Variants in MUC6 observed in about 807,000 individuals in gnomAD.
MUC6 encodes mucin 6, oligomeric mucus/gel-forming (gene/pseudogene).
In MUC6, 188 loss-of-function variants were observed where a neutral mutation model predicts 201.5. The ratio of observed to expected loss-of-function variants is 0.93; its 90% CI spans 0.83 to 1.05. The LOEUF (loss-of-function observed/expected upper bound fraction) is 1.05, where lower values mean the gene tolerates loss of function less well. MUC6 is among the 50% of genes least tolerant of loss of function. The pLI is 0.00. For missense variants in MUC6, 2,706 were observed against 3,256.9 expected (o/e 0.83, Z 4.12); for synonymous variants, 1,228 against 1,389.4 (o/e 0.88, Z 2.58).
chr11:1,025,477 T>C (rs1428708550), intron 22 of MUC6, 110 bp from the exon 23 acceptor site: 25 of 1,316,520 alleles, frequency 1.9e-5, no homozygotes, highest in Non-Finnish European at 7.3e-6. Context: ...GTTAAGGCCA[T>C]GCACAGGAGC....
chr11:1,033,482 C>T lies in MUC6; in HGVS notation c.53-407G>A, dbSNP rs567574320. 1.7e-4 allele frequency among the ~76,000 whole-genome samples: 25 copies of T among 149,530 alleles called. No individual in the cohort carries two copies. Among genetic ancestry groups the T allele is most frequent in the South Asian group, 6.2e-4 (3 of 4,814 alleles). ...GCTGTGCCCGCCTCCCCAGCTTGGC[C>T]GCCTGGTTTCCCTGAGGGGTCTGCG... On this transcript the variant is annotated intron_variant, in intron 1 of 32. Coordinates refer to ENST00000421673, the MANE Select transcript of MUC6 (RefSeq NM_005961.3). This position sits in a 1 kb window ranked among gnomAD's most constrained non-coding sequence, Gnocchi z 5.6.
chr11:1,033,065 G>A lies in MUC6; in HGVS notation c.63C>T (p.Asn21=). 1 of 1,612,998 alleles carries A rather than the reference G, an allele frequency of 6.2e-7. No individual in the cohort carries two copies. The highest frequency in any genetic ancestry group is 8.5e-7 in the Non-Finnish European group (1 of 1,179,172). The change falls in exon 2 of 33, where the codon AAC becomes AAT. Residue 21 remains asparagine (N), a synonymous_variant. Transcript: ENST00000421673. This position sits in a 1 kb window ranked among gnomAD's most constrained non-coding sequence, Gnocchi z 5.6. ...GGAGGCCTGGGCTGGTGTAGGAGGTGTTAGCCAGACCTGTGTGGACGGGAC... is the reference window on the plus strand; with the variant it reads ...GGAGGCCTGGGCTGGTGTAGGAGGTATTAGCCAGACCTGTGTGGACGGGAC... ...CGALLSAGLA[N]TSYTSPGLQR...
Position 1,024,943 on chromosome 11 carries a change from G to A in MUC6, c.3126C>T (p.Phe1042=), listed in dbSNP as rs1361115418. 8.7e-6 allele frequency: 14 copies of A among 1,612,918 alleles called. No homozygotes were observed. Among genetic ancestry groups the A allele is most frequent in the East Asian group, 2.2e-5 (1 of 44,892 alleles). ...KESPLCGDVS[F]VTDPCSLNAF... is the part of the protein sequence containing the mutation. ...CATTGAGACTGCAGGGGTCTGTCAC[G>A]AAGCTCACGTCCCCGCACAGCGGGC... is the stretch of plus-strand genomic sequence containing the variant. Residue 1042 remains phenylalanine (F), a synonymous_variant, in exon 24 of 33, where the codon TTC becomes TTT. Coordinates refer to ENST00000421673, the MANE Select transcript of MUC6 (RefSeq NM_005961.3).
At position 1,026,017 on chromosome 11, in the gene MUC6, C is replaced by T. The variant is rs371902802; in HGVS notation, c.2671G>A (p.Glu891Lys). 7.6e-6 allele frequency: 12 copies of T among 1,587,134 alleles called. No homozygotes were observed. Among genetic ancestry groups the T allele is most frequent in the Non-Finnish European group, 1.0e-5 (12 of 1,167,236 alleles). ...GQRFVFDGNC[E>K]YILATDVCGV... The stretch of plus-strand genomic sequence containing the variant: ...ATGGTTACCGTGGCCAGGATGTACT[C>T]GCAGTTGCCGTCGAATACGAAGCGC... Residue 891 changes from glutamate to lysine, a missense_variant, in exon 21 of 33, where the codon GAG becomes AAG. Glu to Lys is a moderately conservative substitution (Grantham distance 56). This residue lies in a region of MUC6 where 1,850 missense variants were observed against 1,958.3 expected (regional missense o/e 0.94). Coordinates refer to ENST00000421673, the MANE Select transcript of MUC6 (RefSeq NM_005961.3).
chr11:1,033,781 A>G lies in MUC6; in HGVS notation c.53-706T>C, dbSNP rs953216362. Among the ~76,000 whole-genome samples the G allele has an allele frequency of 3.4e-5, 5 of 148,098 alleles. No individual in the cohort carries two copies. The highest frequency in any genetic ancestry group is 1.3e-4 in the African/African-American group (5 of 39,982). On this transcript the variant is annotated intron_variant, in intron 1 of 32. Coordinates refer to ENST00000421673, the MANE Select transcript of MUC6 (RefSeq NM_005961.3). This position sits in a 1 kb window ranked among gnomAD's most constrained non-coding sequence, Gnocchi z 5.6. ...GGGAGACTTTTCCCACCTCTGGGTA[A>G]CTCCCCGGACCCTGCCTCCGAGACT...
Position 1,024,954 on chromosome 11 carries a change from C to T in MUC6, c.3115G>A (p.Asp1039Asn). The change falls in exon 24 of 33, where the codon GAC becomes AAC. Residue 1039 changes from aspartate to asparagine, a missense_variant. Asp to Asn is a conservative substitution (Grantham distance 23). Coordinates refer to ENST00000421673, the MANE Select transcript of MUC6 (RefSeq NM_005961.3). ...NSWKESPLCG[D>N]VSFVTDPCSL... ...CAGGGGTCTGTCACGAAGCTCACGT[C>T]CCCGCACAGCGGGCTCTCCTTCCAC... is the stretch of plus-strand genomic sequence containing the variant. 6.2e-7 allele frequency: 1 copy of T among 1,613,094 alleles called. No homozygotes were observed.
At chr11:1,028,839 C>A (rs752963295) in intron 12 of MUC6, 50 bp downstream of exon 12, 8 of 1,609,602 alleles carry the variant, frequency 5.0e-6, no homozygotes, top group Non-Finnish European at 5.9e-6. Flanking sequence ...CCACTGCAGC[C>A]CGCCCCGAAG....
At position 1,020,087 on chromosome 11, in the gene MUC6, T is replaced by A. The variant is rs774010158; in HGVS notation, c.3808+3A>T. 1.7e-5 allele frequency: 27 copies of A among 1,613,234 alleles called. No homozygotes were observed. Among genetic ancestry groups the A allele is most frequent in the Middle Eastern group, 3.4e-4 (2 of 5,896 alleles). The stretch of plus-strand genomic sequence containing the variant: ...TCCATGGGCTCAGCTGGAGGCTCCT[T>A]ACCTCCCGAGGAGGCTGTGGGCTTG... On this transcript the variant is annotated splice_donor_region_variant and intron_variant, in intron 29 of 32. Transcript: ENST00000421673.
At position 1,013,587 on chromosome 11, in the gene MUC6, G is replaced by A. The variant is rs547423013; in HGVS notation, c.7189C>T (p.Arg2397Cys). ...QQVDARCSCCRPLHSYEQQLE... is the reference protein window; with the variant it reads ...QQVDARCSCCCPLHSYEQQLE... ...TGCTGCTCATAGGAGTGGAGGGGGCGGCAGCAGCTGCAGCGGGCATCCACC... is the reference window on the plus strand; with the variant it reads ...TGCTGCTCATAGGAGTGGAGGGGGCAGCAGCAGCTGCAGCGGGCATCCACC... The change falls in exon 33 of 33, where the codon CGC (arginine) becomes TGC (cysteine). Residue 2397 changes from arginine to cysteine, a missense_variant. Arg to Cys is a radical substitution (Grantham distance 180). Coordinates refer to ENST00000421673, the MANE Select transcript of MUC6 (RefSeq NM_005961.3). The A allele has an allele frequency of 3.2e-6, 5 of 1,569,912 alleles. No homozygotes were observed. The highest frequency in any genetic ancestry group is 4.3e-6 in the Non-Finnish European group (5 of 1,159,200).
chr11:1,036,413 C>T (rs1370207549), intron 1 of MUC6, among the ~76,000 whole-genome samples, 191 bp downstream of exon 1: 1 of 152,204 alleles, frequency 6.6e-6, no homozygotes, highest in African/African-American at 2.4e-5. Flanking sequence ...ATTGGCAGAG[C>T]CCAGCACCGC....
chr11:1,014,115 G>C (rs767116031), intron 31 of MUC6, 114 bp from the exon 32 acceptor site: 6 of 851,908 alleles, frequency 7.0e-6, no homozygotes, highest in Non-Finnish European at 1.1e-5. Flanking sequence ...CCTGCCCAAG[G>C]TGTGGTCTCC....
rs747373479 is a variant in MUC6, at chr11:1,028,716, G to A, written c.1521C>T (p.Leu507=). ...GGAAGATGGGGCGCAGCTGGACCACGAGCTCCAGCCCGAAGCTGGTGGCCA... is the reference window on the plus strand; with the variant it reads ...GGAAGATGGGGCGCAGCTGGACCACAAGCTCCAGCCCGAAGCTGGTGGCCA... ...LQMATSFGLE[L]VVQLRPIFQA... is the part of the protein sequence containing the mutation. Residue 507 remains leucine (L), a synonymous_variant, in exon 13 of 33, where the codon CTC becomes CTT. Coordinates refer to ENST00000421673, the MANE Select transcript of MUC6 (RefSeq NM_005961.3). The A allele has an allele frequency of 2.2e-5, 35 of 1,612,040 alleles. No individual in the cohort carries two copies. The highest frequency in any genetic ancestry group is 2.7e-5 in the Non-Finnish European group (32 of 1,179,618).
chr11:1,034,846 G>A (rs1053845554), intron 1 of MUC6, among the ~76,000 whole-genome samples: 15 of 152,170 alleles, frequency 9.9e-5, no homozygotes, highest in African/African-American at 3.1e-4. Context: ...GCCCCCCGCC[G>A]CCCTCGCCCT....
intron 26 of MUC6, 51 bp downstream of exon 26, chr11:1,023,456 ATG>A: frequency 6.5e-7 from 1 of 1,535,226 alleles, no homozygotes; most frequent in Non-Finnish European, 8.8e-7. Flanking sequence ...ATGTGCATGA[ATG>A]AGTGAATGGG....
intron 1 of MUC6, among the ~76,000 whole-genome samples, chr11:1,034,270 C>T (rs1341529358): frequency 1.3e-5 from 2 of 152,200 alleles, no homozygotes; most frequent in African/African-American, 4.8e-5. Flanking sequence ...GCTGTGGTCC[C>T]CTTTGGCCTT....
chr11:1,027,493 G>A lies in MUC6; in HGVS notation c.2006C>T (p.Thr669Ile). 3.7e-6 allele frequency: 6 copies of A among 1,612,574 alleles called. No individual in the cohort carries two copies. Among genetic ancestry groups the A allele is most frequent in the Non-Finnish European group, 2.5e-6 (3 of 1,179,820 alleles). Residue 669 changes from threonine (T) to isoleucine (I), a missense_variant, in exon 17 of 33, where the codon ACC (threonine) becomes ATC (isoleucine). By Grantham distance (89) the Thr-to-Ile change is moderately conservative. Around this residue, in one of 10 missense-constraint regions of MUC6, gnomAD observed 1,850 missense variants for 1,958.3 expected, o/e 0.94. Transcript: ENST00000421673. Reference sequence around the variant, plus strand: ...ACAGGCTTGGCTGTTGTAGCTGAAGGTGGTGTTACCCGTGCAGGGGATGGC... The same window carrying A: ...ACAGGCTTGGCTGTTGTAGCTGAAGATGGTGTTACCCGTGCAGGGGATGGC... Reference protein sequence around the residue: ...NCTIPCTGNTTFSYNSQACER... With the variant: ...NCTIPCTGNTIFSYNSQACER...
chr11:1,026,068 C>A lies in MUC6; in HGVS notation c.2620G>T (p.Gly874Cys), dbSNP rs894482363. The change falls in exon 21 of 33, where the codon GGC becomes TGC. Residue 874 changes from glycine to cysteine, a missense_variant. Around this residue, in one of 10 missense-constraint regions of MUC6, gnomAD observed 1,850 missense variants for 1,958.3 expected, o/e 0.94. Coordinates refer to ENST00000421673, the MANE Select transcript of MUC6 (RefSeq NM_005961.3). ...CPSTCTLYGE[G>C]HVITFDGQRF... The stretch of plus-strand genomic sequence containing the variant: ...TGGCCGTCGAAGGTGATGACGTGGC[C>A]CTCCCCGTAGAGGGTGCAGGTGGAT... 1.1e-5 allele frequency: 17 copies of A among 1,596,542 alleles called. No homozygotes were observed. Among genetic ancestry groups the A allele is most frequent in the Non-Finnish European group, 1.5e-5 (17 of 1,172,216 alleles).
rs1000174558 is a variant in MUC6, at chr11:1,033,440, C to T, written c.53-365G>A. Among the ~76,000 whole-genome samples the T allele has an allele frequency of 2.0e-5, 3 of 151,978 alleles. No homozygotes were observed. The highest frequency in any genetic ancestry group is 6.6e-5 in the Admixed American group (1 of 15,264). The stretch of plus-strand genomic sequence containing the variant: ...GGTGCGGGTGGCAGGGGCTTGGCGG[C>T]GGAGCCAACAAAGTGGGCTGTGCCC... On this transcript the variant is annotated intron_variant, in intron 1 of 32. Coordinates refer to ENST00000421673, the MANE Select transcript of MUC6 (RefSeq NM_005961.3). The surrounding 1 kb of genome is among the most constrained non-coding windows in gnomAD (Gnocchi z 5.6).
intron 30 of MUC6, among the ~76,000 whole-genome samples, chr11:1,018,972 T>A (rs1216045528): frequency 6.6e-6 from 1 of 152,174 alleles, no homozygotes. Flanking sequence ...CTGAGCTGCG[T>A]GCTGACTCCT....
Sources: gnomAD v4.1 joint callset for allele counts (sites outside exome capture counted in the v4.1 genomes callset) on GRCh38, gnomAD v4.1.1 for gene constraint, gnomAD v4.1.1 regional missense constraint, Gnocchi (gnomAD v3.1) non-coding constraint, MANE v1.5 for transcripts, NCBI Gene and HGNC (gene_info 2026-07-23, HGNC 2026-07-21) for gene names.